SLC9C1: variants seen among roughly 807,000 people sequenced by gnomAD.
The protein encoded by SLC9C1 is sodium/hydrogen exchanger 10.
SLC9C1 carries 97 observed loss-of-function variants against 140.9 expected under a neutral mutation model. The ratio of observed to expected loss-of-function variants is 0.69; its 90% CI spans 0.58 to 0.82. SLC9C1 has a LOEUF of 0.82. Among genes scored for constraint, SLC9C1 ranks in the 40% least tolerant of loss-of-function variants. SLC9C1 has a pLI of 0.00. For missense variants in SLC9C1, 1,340 were observed against 1,389.3 expected, an observed-to-expected ratio of 0.96 and a Z score of 0.56; for synonymous variants, 440 against 442.6, an observed-to-expected ratio of 0.99 and a Z score of 0.07.
chr3:112,153,238 C>T (rs1385779546), intron 27 of SLC9C1, among the ~76,000 whole-genome samples: 6 of 152,106 alleles, frequency 3.9e-5, no homozygotes, highest in African/African-American at 1.4e-4. Context: ...CATTAACAAC[C>T]ACCATGCCAT....
intron 2 of SLC9C1, among the ~76,000 whole-genome samples, chr3:112,281,114 C>T (rs1297635863): frequency 6.6e-6 from 1 of 152,138 alleles, no homozygotes; most frequent in African/African-American, 2.4e-5. Context: ...CTTTAGCAAT[C>T]CTGCAATAAA....
intron 20 of SLC9C1, among the ~76,000 whole-genome samples, chr3:112,193,357 T>C (rs903126814): frequency 6.6e-6 from 1 of 152,178 alleles, no homozygotes; most frequent in Admixed American, 6.5e-5. Context: ...ATGGGCTTTT[T>C]TTCTGGTCTG....
intron 19 of SLC9C1, among the ~76,000 whole-genome samples, chr3:112,200,385 C>G (rs1211251988): frequency 6.6e-6 from 1 of 151,984 alleles, no homozygotes; most frequent in Non-Finnish European, 1.5e-5. Flanking sequence ...TTGTGTCACT[C>G]AGGAAGGTAC....
chr3:112,236,270 G>A (rs1007129045), intron 12 of SLC9C1, among the ~76,000 whole-genome samples: 2 of 152,138 alleles, frequency 1.3e-5, no homozygotes, highest in African/African-American at 2.4e-5. Flanking sequence ...GGTGTTTATG[G>A]TATTCTCTGA....
At chr3:112,286,138 GA>G (rs113489382) in intron 2 of SLC9C1, among the ~76,000 whole-genome samples, 10,385 of 151,858 alleles carry the variant, frequency 0.068, 422 homozygotes, top group South Asian at 0.095. Context: ...ATAATACTGT[GA>G]AAAAAATTAC....
intron 5 of SLC9C1, among the ~76,000 whole-genome samples, chr3:112,275,842 C>T (rs1215105393): frequency 6.6e-6 from 1 of 152,114 alleles, no homozygotes; most frequent in African/African-American, 2.4e-5. Flanking sequence ...CTATGCCCTT[C>T]GCTGTAAGAC....
intron 19 of SLC9C1, among the ~76,000 whole-genome samples, 170 bp from the exon 20 acceptor site, chr3:112,199,639 G>A (rs1241348408): frequency 1.3e-5 from 2 of 152,048 alleles, no homozygotes; most frequent in African/African-American, 4.8e-5. Flanking sequence ...CACTAGTAGT[G>A]CCAGAGTTCT....
In SLC9C1 at chr3:112,262,925, T is replaced by C. The variant is rs937244378; in HGVS notation, c.1196A>G (p.Gln399Arg). The C allele has an allele frequency of 6.4e-7, 1 of 1,567,886 alleles. No individual in the cohort carries two copies. The highest frequency in any genetic ancestry group is 8.6e-7 in the Non-Finnish European group (1 of 1,164,564). The change falls in exon 10 of 29, where the codon CAA (glutamine) becomes CGA (arginine). Residue 399 changes from glutamine (Q) to arginine (R), a missense_variant and splice_region_variant. By Grantham distance (43) the Gln-to-Arg change is conservative. Coordinates refer to ENST00000305815, the MANE Select transcript of SLC9C1 (RefSeq NM_183061.3). ...LYFGSDKEKS[Q>R]ILFHGVLVCL... ...ATAAGAAAATACAGCTTTCTTTACT[T>C]GAGATTTTTCTTTGTCAGATCCAAA...
chr3:112,243,027 G>T (rs1576429875), intron 11 of SLC9C1, among the ~76,000 whole-genome samples: 1 of 152,136 alleles, frequency 6.6e-6, no homozygotes, highest in Non-Finnish European at 1.5e-5. Flanking sequence ...ACAGATGCTG[G>T]CAAGGCTGTG....
intron 1 of SLC9C1, among the ~76,000 whole-genome samples, chr3:112,293,289 T>C (rs2080741859): frequency 1.3e-5 from 2 of 151,402 alleles, no homozygotes; most frequent in African/African-American, 4.9e-5. Context: ...TATATATATA[T>C]ATATATATCT....
In SLC9C1 at chr3:112,167,222, T is replaced by C. The variant is rs1286824605; in HGVS notation, c.3363A>G (p.Ile1121Met). 5 of 1,606,986 alleles carry C rather than the reference T, an allele frequency of 3.1e-6. No homozygotes were observed. The highest frequency in any genetic ancestry group is 4.2e-6 in the Non-Finnish European group (5 of 1,177,208). Residue 1121 changes from isoleucine (I) to methionine (M), a missense_variant and splice_region_variant, in exon 26 of 29, where the codon ATA (isoleucine) becomes ATG (methionine). Transcript: ENST00000305815. Reference protein sequence around the residue: ...KHKSYLTPGLIGSVGTLEEGI... With the variant: ...KHKSYLTPGLMGSVGTLEEGI... ...ATTGCTGAAAGAAGTCTAACTCACC[T>C]ATTAATCCTGGTGTAAGATAACTTT...
chr3:112,283,496 G>A (rs1447619338), intron 2 of SLC9C1, among the ~76,000 whole-genome samples: 58 of 120,166 alleles, frequency 4.8e-4, no homozygotes, highest in Middle Eastern at 4.4e-3. Flanking sequence ...AAAAAAAAAA[G>A]AATGTCTTTG....
At chr3:112,145,522 G>GTAGAAT (rs2074760495) in intron 28 of SLC9C1, among the ~76,000 whole-genome samples, 1 of 146,424 alleles carries the variant, frequency 6.8e-6, no homozygotes, top group East Asian at 2.1e-4. Flanking sequence ...AATAGTTTCA[G>GTAGAAT]TAGAATTAGT....
chr3:112,173,526 T>G (rs955530815), intron 23 of SLC9C1, among the ~76,000 whole-genome samples: 4 of 152,248 alleles, frequency 2.6e-5, no homozygotes. Flanking sequence ...AATGAGAACA[T>G]GCAGTATTTG....
chr3:112,193,120 T>A (rs994456195), intron 20 of SLC9C1, among the ~76,000 whole-genome samples: 1 of 152,192 alleles, frequency 6.6e-6, no homozygotes, highest in African/African-American at 2.4e-5. Context: ...ATTTTGCAAG[T>A]GTTTCAGTGG....
At chr3:112,235,075 C>T (rs547185587) in intron 12 of SLC9C1, among the ~76,000 whole-genome samples, 71 of 149,328 alleles carry the variant, frequency 4.8e-4, no homozygotes, top group African/African-American at 1.7e-3. Flanking sequence ...GGCAGTATGG[C>T]CATTTTCACG....
At chr3:112,286,680 A>G (rs777741206) in intron 2 of SLC9C1, 24 bp downstream of exon 2, 43 of 1,564,712 alleles carry the variant, frequency 2.7e-5, no homozygotes, top group Non-Finnish European at 3.7e-5. Flanking sequence ...GAATAAACTC[A>G]GATAAAGAGA....
intron 17 of SLC9C1, among the ~76,000 whole-genome samples, chr3:112,203,525 G>T (rs1270641475): frequency 6.7e-6 from 1 of 150,022 alleles, no homozygotes; most frequent in Non-Finnish European, 1.5e-5. Flanking sequence ...TAAATGTAAA[G>T]ATTCTATTAG....
chr3:112,280,584 C>G, intron 3 of SLC9C1, 99 bp downstream of exon 3: 1 of 943,290 alleles, frequency 1.1e-6, no homozygotes, highest in Non-Finnish European at 1.6e-6. Context: ...ACTGGCAGAA[C>G]AGTGAGGGGA....
Sources: allele counts gnomAD v4.1 joint callset (sites outside exome capture counted in the v4.1 genomes callset), GRCh38; gene constraint gnomAD v4.1.1; transcripts MANE v1.5; gene names NCBI Gene and HGNC (gene_info 2026-07-23, HGNC 2026-07-21).